Variants in WDR7 observed in about 807,000 individuals in gnomAD.
WDR7 encodes WD repeat-containing protein 7.
Under a neutral mutation model 169.4 loss-of-function variants are expected in WDR7, and 46 were observed. That is an observed-to-expected ratio of 0.27 (90% CI 0.21 to 0.35). WDR7 has a LOEUF of 0.35. Among genes scored for constraint, WDR7 ranks in the 10% least tolerant of loss-of-function variants. The pLI is 1.00. For missense variants in WDR7, 1,534 were observed against 1,859.3 expected (o/e 0.83, Z 3.22); for synonymous variants, 612 against 666.8 (o/e 0.92, Z 1.27).
chr18:56,756,856 A>G lies in WDR7; in HGVS notation c.2263A>G (p.Lys755Glu). 1 of 1,614,110 alleles carries G rather than the reference A, an allele frequency of 6.2e-7. No homozygotes were observed. The highest frequency in any genetic ancestry group is 8.5e-7 in the Non-Finnish European group (1 of 1,180,012). ...QVKETIKENI[K>E]EHLLDDEEED... The stretch of plus-strand genomic sequence containing the variant: ...GAAAGAAACGATCAAAGAGAACATC[A>G]AGGAACACCTCCTTGATGATGAAGA... Residue 755 changes from lysine (K) to glutamate (E), a missense_variant, in exon 15 of 28, where the codon AAG becomes GAG. By Grantham distance (56) the Lys-to-Glu change is moderately conservative. Coordinates refer to ENST00000254442, the MANE Select transcript of WDR7 (RefSeq NM_015285.3).
At chr18:56,726,528 C>T (rs1168778095) in intron 13 of WDR7, among the ~76,000 whole-genome samples, 1 of 152,172 alleles carries the variant, frequency 6.6e-6, no homozygotes, top group Non-Finnish European at 1.5e-5. Context: ...GCTGAAGTTG[C>T]TTATCAGCTT....
chr18:56,716,117 T>G (rs965284787), intron 12 of WDR7, among the ~76,000 whole-genome samples: 1 of 152,076 alleles, frequency 6.6e-6, no homozygotes, highest in African/African-American at 2.4e-5. Flanking sequence ...TTTTGTAGTT[T>G]GCCATTTTGT....
At chr18:56,886,805 A>G (rs1390142934) in intron 21 of WDR7, among the ~76,000 whole-genome samples, 1 of 152,236 alleles carries the variant, frequency 6.6e-6, no homozygotes, top group Admixed American at 6.5e-5. Context: ...TTCCATGCAA[A>G]TGGACATCAA....
chr18:56,883,064 G>T (rs974653798), intron 21 of WDR7, among the ~76,000 whole-genome samples: 6 of 152,080 alleles, frequency 3.9e-5, no homozygotes, highest in Non-Finnish European at 8.8e-5. Flanking sequence ...CAAAAAATTG[G>T]CCAGATGCGG....
intron 20 of WDR7, among the ~76,000 whole-genome samples, chr18:56,844,303 T>G (rs1321082725): frequency 5.3e-5 from 8 of 152,192 alleles, no homozygotes; most frequent in African/African-American, 9.6e-5. Context: ...TATTGACCAT[T>G]ACTTTAACTT....
At chr18:56,998,531 G>A (rs760743066) in intron 26 of WDR7, among the ~76,000 whole-genome samples, 16 of 152,122 alleles carry the variant, frequency 1.1e-4, no homozygotes, top group Non-Finnish European at 1.9e-4. Context: ...TGAATTAATC[G>A]TTTAACTTCT....
At chr18:56,691,066 C>G in intron 7 of WDR7, 150 bp from the exon 8 acceptor site, 1 of 1,081,572 alleles carries the variant, frequency 9.2e-7, no homozygotes, top group Non-Finnish European at 1.3e-6. Flanking sequence ...TGACCTCTCC[C>G]AGGGCTTATT....
intron 19 of WDR7, among the ~76,000 whole-genome samples, chr18:56,814,643 G>A (rs2145209684): frequency 6.6e-6 from 1 of 152,216 alleles, no homozygotes; most frequent in East Asian, 1.9e-4. Context: ...ACTTGAGGGT[G>A]GAGAGTGGTA....
intron 16 of WDR7, among the ~76,000 whole-genome samples, chr18:56,774,419 T>A (rs1028638919): frequency 6.6e-6 from 1 of 152,096 alleles, no homozygotes; most frequent in African/African-American, 2.4e-5. Flanking sequence ...GCGGCTCAGA[T>A]AAAATAATGG....
intron 25 of WDR7, among the ~76,000 whole-genome samples, chr18:56,951,250 A>T (rs865921647): frequency 2.2e-4 from 34 of 152,168 alleles, no homozygotes; most frequent in African/African-American, 8.2e-4. Context: ...AAGAACAGGG[A>T]ACTTCTCTGA....
chr18:56,975,541 G>T (rs2047553422), intron 26 of WDR7, among the ~76,000 whole-genome samples: 3 of 152,166 alleles, frequency 2.0e-5, no homozygotes, highest in Non-Finnish European at 4.4e-5. Flanking sequence ...TCATGAGTCA[G>T]CAGTGACAAA....
At chr18:56,965,878 T>C (rs2047402076) in intron 26 of WDR7, among the ~76,000 whole-genome samples, 1 of 152,132 alleles carries the variant, frequency 6.6e-6, no homozygotes, top group Non-Finnish European at 1.5e-5. Flanking sequence ...ATGTTAATGA[T>C]TATATATATA....
chr18:56,917,286 C>A (rs2046642601), intron 21 of WDR7, among the ~76,000 whole-genome samples: 1 of 151,896 alleles, frequency 6.6e-6, no homozygotes, highest in East Asian at 1.9e-4. Flanking sequence ...TACCCTTGTT[C>A]TAAAGATGTA....
At chr18:56,659,535 G>T (rs183076392) in intron 1 of WDR7, among the ~76,000 whole-genome samples, 92 of 152,298 alleles carry the variant, frequency 6.0e-4, no homozygotes, top group South Asian at 2.7e-3. Flanking sequence ...TTAAATGATT[G>T]TAAGTGTTTA....
chr18:56,713,248 G>T (rs2144720295), intron 12 of WDR7, among the ~76,000 whole-genome samples: 1 of 152,240 alleles, frequency 6.6e-6, no homozygotes, highest in East Asian at 1.9e-4. Context: ...CATTAATAAG[G>T]AAACCTTCCT....
intron 21 of WDR7, among the ~76,000 whole-genome samples, chr18:56,904,313 G>A (rs928854939): frequency 2.6e-5 from 4 of 152,026 alleles, no homozygotes; most frequent in African/African-American, 4.8e-5. Context: ...CAGGTGATCC[G>A]CCTGTCTCAT....
chr18:56,777,352 A>G (rs752024830), intron 17 of WDR7, among the ~76,000 whole-genome samples: 2 of 152,194 alleles, frequency 1.3e-5, no homozygotes, highest in Non-Finnish European at 2.9e-5. Flanking sequence ...ACCAGTGATT[A>G]TAGACTGATA....
At chr18:56,944,037 G>A (rs2047068708) in intron 25 of WDR7, among the ~76,000 whole-genome samples, 1 of 130,402 alleles carries the variant, frequency 7.7e-6, no homozygotes, top group Non-Finnish European at 1.5e-5. Context: ...TTGCCAGGCT[G>A]GAGTGCAGTG....
chr18:56,993,292 T>C (rs1303406449), intron 26 of WDR7, among the ~76,000 whole-genome samples: 1 of 152,248 alleles, frequency 6.6e-6, no homozygotes, highest in Non-Finnish European at 1.5e-5. Flanking sequence ...CTCGAGTTTC[T>C]ACCTAATACT....
Sources: allele counts gnomAD v4.1 joint callset (sites outside exome capture counted in the v4.1 genomes callset), GRCh38; gene constraint gnomAD v4.1.1; transcripts MANE v1.5; gene names NCBI Gene and HGNC (gene_info 2026-07-23, HGNC 2026-07-21).